Variants in TMEM87A observed in about 807,000 individuals in gnomAD.
TMEM87A encodes the protein Golgi-pH regulating cation channel.
Under a neutral mutation model 90.0 loss-of-function variants are expected in TMEM87A, and 50 were observed. The observed-to-expected ratio is 0.56, with a 90% CI of 0.44 to 0.70. TMEM87A has a LOEUF of 0.70. TMEM87A is among the 30% of genes least tolerant of loss of function. TMEM87A has a pLI of 0.00. For missense variants in TMEM87A, 577 were observed against 660.5 expected, an observed-to-expected ratio of 0.87 and a Z score of 1.39; for synonymous variants, 226 against 226.7, an observed-to-expected ratio of 1.00 and a Z score of 0.03.
chr15:42,254,321 C>T (rs1161443885), intron 6 of TMEM87A, among the ~76,000 whole-genome samples: 1 of 152,200 alleles, frequency 6.6e-6, no homozygotes, highest in Non-Finnish European at 1.5e-5. Context: ...ACTAAACATA[C>T]TCTTACCATA....
chr15:42,236,491 G>A, intron 9 of TMEM87A, 72 bp from the exon 10 acceptor site: 1 of 1,211,404 alleles, frequency 8.3e-7, no homozygotes, highest in Non-Finnish European at 1.2e-6. Context: ...ATACTAGACT[G>A]CTGCTTTCTA....
chr15:42,235,795 T>C (rs1382774643), intron 10 of TMEM87A, among the ~76,000 whole-genome samples: 1 of 152,198 alleles, frequency 6.6e-6, no homozygotes, highest in Non-Finnish European at 1.5e-5. Context: ...CACTGACATA[T>C]TAAAATATTT....
chr15:42,236,519 A>T, intron 9 of TMEM87A, 100 bp from the exon 10 acceptor site: 1 of 960,924 alleles, frequency 1.0e-6, no homozygotes, highest in Non-Finnish European at 1.7e-6. Context: ...CAGAATAAGC[A>T]TTGATATTAG....
Position 42,244,150 on chromosome 15 carries a change from C to T in TMEM87A, c.522G>A (p.Leu174=). The T allele has an allele frequency of 1.3e-6, 2 of 1,567,076 alleles. No homozygotes were observed. Among genetic ancestry groups the T allele is most frequent in the Non-Finnish European group, 8.6e-7 (1 of 1,164,340 alleles). ...TGTATGGTGCATCTTGCCAAGTTTGCAATGGTTCATGCATTGCCTAGAAAG... is the reference window on the plus strand; with the variant it reads ...TGTATGGTGCATCTTGCCAAGTTTGTAATGGTTCATGCATTGCCTAGAAAG... ...IGDKTAMHEP[L]QTWQDAPYIF... The change falls in exon 7 of 20, where the codon TTG becomes TTA. Residue 174 remains leucine (L), a synonymous_variant. Coordinates refer to ENST00000389834, the MANE Select transcript of TMEM87A (RefSeq NM_015497.5).
chr15:42,222,422 G>A (rs1191072045), intron 15 of TMEM87A, among the ~76,000 whole-genome samples: 1 of 152,116 alleles, frequency 6.6e-6, no homozygotes, highest in Admixed American at 6.5e-5. Context: ...TATGATTAGG[G>A]GTTCAGGCCC....
intron 7 of TMEM87A, among the ~76,000 whole-genome samples, chr15:42,243,604 C>T (rs2050915061): frequency 6.7e-6 from 1 of 150,048 alleles, no homozygotes. Context: ...ACCACAACCT[C>T]CATCTCCCGG....
intron 15 of TMEM87A, among the ~76,000 whole-genome samples, chr15:42,223,281 T>C (rs2050529949): frequency 6.6e-6 from 1 of 152,078 alleles, no homozygotes; most frequent in African/African-American, 2.4e-5. Flanking sequence ...TGGTCCCAGC[T>C]ACTCAGGAGG....
intron 6 of TMEM87A, among the ~76,000 whole-genome samples, chr15:42,254,196 C>A (rs76282781): frequency 2.6e-5 from 4 of 152,132 alleles, no homozygotes; most frequent in African/African-American, 9.7e-5. Flanking sequence ...ATTAAAGCTA[C>A]AAGTGACAAT....
In TMEM87A at chr15:42,218,395, A is replaced by G. The variant is rs535447506; in HGVS notation, c.1540-17T>C. ...ATCTTCCTGCTGGGAACATACAAAT[A>G]CCACTCATTACTAAAATGCACCACA... On this transcript the variant is annotated splice_polypyrimidine_tract_variant and intron_variant, in intron 17 of 19. Coordinates refer to ENST00000389834, the MANE Select transcript of TMEM87A (RefSeq NM_015497.5). The G allele has an allele frequency of 1.2e-6, 2 of 1,612,332 alleles. No individual in the cohort carries two copies. The highest frequency in any genetic ancestry group is 2.7e-5 in the African/African-American group (2 of 75,012).
chr15:42,270,033 T>G (rs1470203542), intron 2 of TMEM87A, among the ~76,000 whole-genome samples: 2 of 143,636 alleles, frequency 1.4e-5, no homozygotes, highest in African/African-American at 2.6e-5. Flanking sequence ...AGACAACTGG[T>G]AAATATGAGA....
intron 15 of TMEM87A, among the ~76,000 whole-genome samples, chr15:42,223,379 C>T (rs1017858764): frequency 1.3e-5 from 2 of 152,074 alleles, no homozygotes; most frequent in African/African-American, 2.4e-5. Context: ...GGCTTCAGAG[C>T]GAGACCCCAT....
intron 6 of TMEM87A, chr15:42,259,139 C>T: frequency 1.6e-6 from 1 of 621,990 alleles, no homozygotes; most frequent in Non-Finnish European, 2.9e-6. Context: ...GTAGGGGAAG[C>T]AAACACAGAG....
At position 42,210,916 on chromosome 15, in the gene TMEM87A, C is replaced by A. The variant is rs1461156369; in HGVS notation, c.*792G>T. On this transcript the variant is annotated 3_prime_UTR_variant, in exon 20 of 20. Transcript: ENST00000389834. Reference sequence around the variant, plus strand: ...AACATTGCCTAAGGACCCTGCAATGCCACCCTTGGAGGCTTACAAAACAGT... The same window carrying A: ...AACATTGCCTAAGGACCCTGCAATGACACCCTTGGAGGCTTACAAAACAGT... 6.6e-6 allele frequency: 1 copy of A among 152,624 alleles called. No individual in the cohort carries two copies. Among genetic ancestry groups the A allele is most frequent in the South Asian group, 2.1e-4 (1 of 4,834 alleles). 9.5% of individuals were successfully genotyped at this position (152,624 alleles called of 1,614,324 possible).
At chr15:42,246,562 CG>C (rs1213930793) in intron 6 of TMEM87A, among the ~76,000 whole-genome samples, 1 of 151,802 alleles carries the variant, frequency 6.6e-6, no homozygotes, top group African/African-American at 2.4e-5. Context: ...TTTCTGTCCT[CG>C]AGAGTTTGCT....
intron 2 of TMEM87A, among the ~76,000 whole-genome samples, chr15:42,269,082 G>C (rs933022570): frequency 3.9e-5 from 6 of 151,984 alleles, no homozygotes; most frequent in African/African-American, 1.5e-4. Flanking sequence ...GCTTCATAAA[G>C]CTCATTAAAC....
At chr15:42,232,309 C>T (rs887760074) in intron 11 of TMEM87A, among the ~76,000 whole-genome samples, 4 of 152,128 alleles carry the variant, frequency 2.6e-5, no homozygotes, top group Non-Finnish European at 5.9e-5. Flanking sequence ...GCAGCCTGAA[C>T]TCAATCAGTC....
In TMEM87A at chr15:42,267,968, G is replaced by T; in HGVS notation, c.270C>A (p.Tyr90Ter). ...TTACCTTGAAGTTATAGATTTCATT[G>T]TAACAATCAGCGCTTTTCAGATACC... ...ITWYLKSADC[Y>*]NEIYNFKAEE... Residue 90 changes from tyrosine to a stop codon, truncating the protein, a stop_gained, in exon 3 of 20, where the codon TAC (tyrosine) becomes TAA (stop). Coordinates refer to ENST00000389834, the MANE Select transcript of TMEM87A (RefSeq NM_015497.5). LOFTEE classifies it high-confidence loss of function. 6.2e-7 allele frequency: 1 copy of T among 1,613,174 alleles called. No individual in the cohort carries two copies. Among genetic ancestry groups the T allele is most frequent in the Non-Finnish European group, 8.5e-7 (1 of 1,179,534 alleles).
chr15:42,259,192 G>A (rs1245906848), intron 6 of TMEM87A, among the ~76,000 whole-genome samples: 2 of 151,760 alleles, frequency 1.3e-5, no homozygotes, highest in Non-Finnish European at 2.9e-5. Context: ...GTGTGATCTC[G>A]GCTCATTGCA....
intron 7 of TMEM87A, among the ~76,000 whole-genome samples, chr15:42,241,614 G>A (rs946679585): frequency 6.6e-6 from 1 of 152,048 alleles, no homozygotes; most frequent in African/African-American, 2.4e-5. Context: ...TAAAGGTTTC[G>A]ATGAAGGGAA....
Sources: allele counts gnomAD v4.1 joint callset (sites outside exome capture counted in the v4.1 genomes callset), GRCh38; gene constraint gnomAD v4.1.1; transcripts MANE v1.5; gene names NCBI Gene and HGNC (gene_info 2026-07-23, HGNC 2026-07-21).